NTMT2: variants seen among roughly 807,000 people sequenced by gnomAD.
NTMT2 encodes X-Pro-Lys N-terminal protein methyltransferase 1B.
Under a neutral mutation model 23.4 loss-of-function variants are expected in NTMT2, and 21 were observed. That is an observed-to-expected ratio of 0.90 (90% CI 0.64 to 1.29). The LOEUF is 1.29. Among genes scored for constraint, NTMT2 ranks in the 50% most tolerant of loss-of-function variants. The probability of loss-of-function intolerance (pLI) is 0.00; values close to 1 mark genes in which losing one functional copy is unlikely to be tolerated. For missense variants in NTMT2, 336 were observed against 352.0 expected (o/e 0.95, Z 0.36); for synonymous variants, 131 against 127.7 (o/e 1.03, Z -0.17).
intron 1 of NTMT2, among the ~76,000 whole-genome samples, chr1:170,152,415 G>A (rs972109753): frequency 6.6e-6 from 1 of 152,170 alleles, no homozygotes; most frequent in African/African-American, 2.4e-5. Context: ...AAGACACTCA[G>A]CGAGTAGGTA....
intron 2 of NTMT2, among the ~76,000 whole-genome samples, chr1:170,163,371 ATTGT>A (rs1048349737): frequency 6.6e-6 from 1 of 152,226 alleles, no homozygotes; most frequent in African/African-American, 2.4e-5. Flanking sequence ...CGAAAAGAAG[ATTGT>A]TTAATTTAAA....
At chr1:170,165,826 C>T (rs1673367561) in intron 2 of NTMT2, among the ~76,000 whole-genome samples, 1 of 135,986 alleles carries the variant, frequency 7.4e-6, no homozygotes, top group South Asian at 2.5e-4. Context: ...CTTCATAGGG[C>T]TAGCAATGGC....
At chr1:170,146,324 T>C (rs1672964269) in intron 1 of NTMT2, 63 bp downstream of exon 1, 1 of 1,440,644 alleles carries the variant, frequency 6.9e-7, no homozygotes, top group African/African-American at 1.5e-5. Flanking sequence ...CATGAGGTCA[T>C]GGGGCTTCTA....
chr1:170,159,262 T>C (rs890617489), intron 1 of NTMT2, among the ~76,000 whole-genome samples: 1 of 152,104 alleles, frequency 6.6e-6, no homozygotes, highest in African/African-American at 2.4e-5. Flanking sequence ...TGCTAACTGG[T>C]CTAGCTCTTC....
intron 2 of NTMT2, among the ~76,000 whole-genome samples, 196 bp from the exon 3 acceptor site, chr1:170,166,306 A>ATTTT: frequency 7.3e-6 from 1 of 136,714 alleles, no homozygotes; most frequent in East Asian, 2.1e-4. Flanking sequence ...CGCCCGGCTA[A>ATTTT]TTTTTTTTGT....
At position 170,160,610 on chromosome 1, in the gene NTMT2, G is replaced by A; in HGVS notation, c.247G>A (p.Glu83Lys). The A allele has an allele frequency of 6.4e-7, 1 of 1,551,750 alleles. No individual in the cohort carries two copies. Among genetic ancestry groups the A allele is most frequent in the Non-Finnish European group, 8.7e-7 (1 of 1,146,978 alleles). Residue 83 changes from glutamate (E) to lysine (K), a missense_variant, in exon 2 of 4, where the codon GAA becomes AAA. Coordinates refer to ENST00000439373, the MANE Select transcript of NTMT2 (RefSeq NM_001136107.2). ...KLFYQEVPAT[E>K]EGMMGNFIEL... The stretch of plus-strand genomic sequence containing the variant: ...TTTCTACCAAGAAGTACCAGCCACA[G>A]AAGAGGGTATGATGGGAAATTTCAT...
chr1:170,159,052 C>A (rs117145821), intron 1 of NTMT2, among the ~76,000 whole-genome samples: 2 of 151,294 alleles, frequency 1.3e-5, no homozygotes, highest in East Asian at 3.9e-4. Flanking sequence ...CATTTATCCA[C>A]ATTTAGGAAT....
At chr1:170,165,259 G>C (rs1036692132) in intron 2 of NTMT2, among the ~76,000 whole-genome samples, 4 of 152,108 alleles carry the variant, frequency 2.6e-5, no homozygotes, top group African/African-American at 9.7e-5. Flanking sequence ...TTTTATGGAA[G>C]CAAGTTTGAG....
chr1:170,161,847 C>G (rs61825690), intron 2 of NTMT2, among the ~76,000 whole-genome samples: 22,818 of 152,138 alleles, frequency 0.15, 1,917 homozygotes, highest in Middle Eastern at 0.21. Flanking sequence ...AATCCCAGCA[C>G]TTTATGAGGC....
rs543803092 is a variant in NTMT2 at position 170,168,670 on chromosome 1, T to C, written c.*913T>C. On this transcript the variant is annotated 3_prime_UTR_variant, in exon 4 of 4. Coordinates refer to ENST00000439373, the MANE Select transcript of NTMT2 (RefSeq NM_001136107.2). ...CCCTGAAATTTCAACCTTTAACATA[T>C]AAGTAAATGTCATTGATAATCTAAT... is the stretch of plus-strand genomic sequence containing the variant. Among the ~76,000 whole-genome samples, 1 of 152,342 alleles carries C rather than the reference T, an allele frequency of 6.6e-6. No individual in the cohort carries two copies. Among genetic ancestry groups the C allele is most frequent in the African/African-American group, 2.4e-5 (1 of 41,576 alleles).
At chr1:170,148,397 C>T (rs1673009250) in intron 1 of NTMT2, among the ~76,000 whole-genome samples, 1 of 151,904 alleles carries the variant, frequency 6.6e-6, no homozygotes, top group African/African-American at 2.4e-5. Context: ...GTGATCCGCC[C>T]GTCCAGAGGC....
intron 2 of NTMT2, among the ~76,000 whole-genome samples, chr1:170,165,293 C>T (rs894665294): frequency 6.6e-6 from 1 of 152,142 alleles, no homozygotes; most frequent in African/African-American, 2.4e-5. Flanking sequence ...GCTGATTTCT[C>T]CCTACCTCCA....
In NTMT2 at chr1:170,167,637, C is replaced by A; in HGVS notation, c.732C>A (p.Ile244=). Residue 244 remains isoleucine (I), a synonymous_variant, in exon 4 of 4, where the codon ATC becomes ATA. Coordinates refer to ENST00000439373, the MANE Select transcript of NTMT2 (RefSeq NM_001136107.2). ...GCAGTGTGACTCGGGACATGGACAT[C>A]CTCCGGAGCCTAATAAGGAAGAGTG... ...SDSSVTRDMD[I]LRSLIRKSGL... 1 of 1,551,694 alleles carries A rather than the reference C, an allele frequency of 6.4e-7. No homozygotes were observed. Among genetic ancestry groups the A allele is most frequent in the Non-Finnish European group, 8.7e-7 (1 of 1,147,002 alleles).
intron 1 of NTMT2, among the ~76,000 whole-genome samples, chr1:170,151,784 G>T (rs1330387802): frequency 6.6e-6 from 1 of 152,074 alleles, no homozygotes; most frequent in Non-Finnish European, 1.5e-5. Context: ...CTCTCTAGCT[G>T]CTTAACCTTG....
chr1:170,153,841 A>G (rs902602134), intron 1 of NTMT2, among the ~76,000 whole-genome samples: 5 of 152,216 alleles, frequency 3.3e-5, no homozygotes, highest in African/African-American at 1.2e-4. Flanking sequence ...TGAAACAACC[A>G]CTTGCTAGAG....
Position 170,166,752 on chromosome 1 carries a change from G to A in NTMT2, c.580+1G>A. 1 of 1,552,076 alleles carries A rather than the reference G, an allele frequency of 6.4e-7. No homozygotes were observed. Among genetic ancestry groups the A allele is most frequent in the Non-Finnish European group, 8.7e-7 (1 of 1,146,956 alleles). Reference sequence around the variant, plus strand: ...GTCATCTGGATTCAGTGGGTCTCTGGTTAGTCCTGCATGACTTTCCCTCTG... The same window carrying A: ...GTCATCTGGATTCAGTGGGTCTCTGATTAGTCCTGCATGACTTTCCCTCTG... On this transcript the variant is annotated splice_donor_variant, in intron 3 of 3. Transcript: ENST00000439373. LOFTEE classifies it high-confidence loss of function.
Position 170,167,510 on chromosome 1 carries a change from T to A in NTMT2, c.605T>A (p.Leu202His). The A allele has an allele frequency of 6.4e-7, 1 of 1,551,318 alleles. No homozygotes were observed. The highest frequency in any genetic ancestry group is 1.2e-5 in the South Asian group (1 of 84,012). ...VSGHLTDKDL[L>H]AFLSRCRDGL... ...GGGCACCTGACTGATAAGGACCTTC[T>A]TGCATTTCTTTCCCGGTGCCGAGAT... is the stretch of plus-strand genomic sequence containing the variant. Residue 202 changes from leucine to histidine, a missense_variant, in exon 4 of 4, where the codon CTT (leucine) becomes CAT (histidine). Physicochemically the swap from Leu to His is moderately conservative, Grantham distance 99. Coordinates refer to ENST00000439373, the MANE Select transcript of NTMT2 (RefSeq NM_001136107.2).
chr1:170,161,793 G>T (rs1466317226), intron 2 of NTMT2: 1 of 152,116 alleles, frequency 6.6e-6, no homozygotes, highest in Non-Finnish European at 1.5e-5. Context: ...TGTTAGAAAA[G>T]ACTTAATCCC....
At chr1:170,151,156 T>C (rs1419181986) in intron 1 of NTMT2, among the ~76,000 whole-genome samples, 2 of 152,116 alleles carry the variant, frequency 1.3e-5, no homozygotes, top group Non-Finnish European at 2.9e-5. Context: ...GACCTGGTTA[T>C]GACGTTTCTT....
Sources: gnomAD v4.1 joint callset for allele counts (sites outside exome capture counted in the v4.1 genomes callset) on GRCh38, gnomAD v4.1.1 for gene constraint, MANE v1.5 for transcripts, NCBI Gene and HGNC (gene_info 2026-07-23, HGNC 2026-07-21) for gene names.